The following BIRC6 variants were observed in gnomAD, a reference collection of about 807,000 sequenced individuals.
BIRC6 encodes dual E2 ubiquitin-conjugating enzyme/E3 ubiquitin-protein ligase BIRC6.
Under a neutral mutation model 503.3 loss-of-function variants are expected in BIRC6, and 98 were observed. The observed-to-expected ratio is 0.19, with a 90% CI of 0.17 to 0.23. The LOEUF is 0.23. Ranked by LOEUF, BIRC6 falls within the 10% of genes least tolerant of loss-of-function variation. BIRC6 has a pLI of 1.00. For synonymous variants in BIRC6, 2,240 were observed against 2,078.7 expected (o/e 1.08, Z -2.11); for missense variants, 5,360 against 5,806.0 (o/e 0.92, Z 2.50).
intron 10 of BIRC6, among the ~76,000 whole-genome samples, chr2:32,426,424 A>T (rs914006056): frequency 2.6e-5 from 4 of 152,116 alleles, no homozygotes; most frequent in African/African-American, 9.7e-5. Context: ...CCAACATGGC[A>T]AAACCCTGTC....
chr2:32,542,763 A>C (rs1351804355), intron 61 of BIRC6, among the ~76,000 whole-genome samples: 1 of 152,176 alleles, frequency 6.6e-6, no homozygotes, highest in East Asian at 1.9e-4. Context: ...ACACTGCCAT[A>C]CTTCTGCTGT....
intron 1 of BIRC6, among the ~76,000 whole-genome samples, chr2:32,363,591 A>G (rs1213640544): frequency 6.6e-6 from 1 of 152,058 alleles, no homozygotes; most frequent in African/African-American, 2.4e-5. Context: ...AGTACATTTT[A>G]TACCGTTTGT....
intron 49 of BIRC6, 80 bp from the exon 50 acceptor site, chr2:32,504,925 A>G: frequency 4.0e-6 from 5 of 1,250,552 alleles, no homozygotes; most frequent in Non-Finnish European, 5.6e-6. Flanking sequence ...TTTCTAGTTT[A>G]ATTGTATTTG....
intron 22 of BIRC6, among the ~76,000 whole-genome samples, chr2:32,451,154 G>C (rs1468434101): frequency 2.0e-5 from 3 of 152,192 alleles, no homozygotes; most frequent in African/African-American, 4.8e-5. Flanking sequence ...CATTGAGTAT[G>C]ATCTTTCAGT....
chr2:32,391,761 T>C (rs1484980056), intron 4 of BIRC6, among the ~76,000 whole-genome samples: 1 of 152,222 alleles, frequency 6.6e-6, no homozygotes, highest in African/African-American at 2.4e-5. Context: ...GTTTGACTCT[T>C]AGTGAGCTGA....
At chr2:32,378,703 C>G (rs969990095) in intron 2 of BIRC6, among the ~76,000 whole-genome samples, 1 of 152,078 alleles carries the variant, frequency 6.6e-6, no homozygotes, top group Non-Finnish European at 1.5e-5. Context: ...TTGATCCGCC[C>G]GCCTCAGCCT....
chr2:32,455,011 C>T (rs1294292789), intron 23 of BIRC6, among the ~76,000 whole-genome samples: 1 of 152,040 alleles, frequency 6.6e-6, no homozygotes, highest in East Asian at 1.9e-4. Flanking sequence ...TAGAAACATG[C>T]CATGACAAAA....
intron 57 of BIRC6, among the ~76,000 whole-genome samples, chr2:32,520,740 C>G (rs1425137984): frequency 2.0e-5 from 3 of 152,104 alleles, no homozygotes; most frequent in Non-Finnish European, 4.4e-5. Context: ...TCACTTGAAC[C>G]CTAGAGGTGG....
chr2:32,427,982 CATTT>C (rs2043713073), intron 10 of BIRC6, among the ~76,000 whole-genome samples: 1 of 152,118 alleles, frequency 6.6e-6, no homozygotes, highest in Non-Finnish European at 1.5e-5. Context: ...TGATTTCTGT[CATTT>C]ATTCTGCCTA....
chr2:32,453,977 T>C, intron 23 of BIRC6, 35 bp downstream of exon 23: 1 of 1,517,278 alleles, frequency 6.6e-7, no homozygotes, highest in Non-Finnish European at 9.0e-7. Flanking sequence ...TTTTATTATA[T>C]ACTTTATGCA....
At chr2:32,517,329 G>A (rs1188416148) in intron 55 of BIRC6, among the ~76,000 whole-genome samples, 1 of 152,128 alleles carries the variant, frequency 6.6e-6, no homozygotes, top group African/African-American at 2.4e-5. Flanking sequence ...GCGACAGAGC[G>A]AGACCCTGTC....
At chr2:32,573,796 T>C (rs1178551529) in intron 65 of BIRC6, among the ~76,000 whole-genome samples, 2 of 152,236 alleles carry the variant, frequency 1.3e-5, no homozygotes, top group Non-Finnish European at 2.9e-5. Context: ...CTGGATAAAT[T>C]GCAATTCTGT....
chr2:32,516,939 T>G lies in BIRC6; in HGVS notation c.11349+1169T>G, dbSNP rs2055115859. On this transcript the variant is annotated intron_variant, in intron 55 of 73. Transcript: ENST00000421745. ...AGACACTAGTAAATAACTTTTCTCC[T>G]TGTTATTTAATAGTGCTCATTCAAG... is the stretch of plus-strand genomic sequence containing the variant. Among the ~76,000 whole-genome samples, 7 of 152,304 alleles carry G rather than the reference T, an allele frequency of 4.6e-5. No homozygotes were observed. The South Asian group carries it at 1.4e-3, about 32-fold the overall frequency.
In BIRC6 at chr2:32,494,232, C is replaced by CT. The variant is rs201204825; in HGVS notation, c.8468+579dup. Among the ~76,000 whole-genome samples, 1,437 of 143,978 alleles carry CT rather than the reference C, an allele frequency of 1.0e-2. 14 individuals are homozygous for CT. The highest frequency in any genetic ancestry group is 0.024 in the African/African-American group (958 of 39,508). The allele number at this position is 143,978 out of a possible 152,430, so 94.5% of individuals were successfully genotyped here. On this transcript the variant is annotated intron_variant, in intron 45 of 73. Coordinates refer to ENST00000421745, the MANE Select transcript of BIRC6 (RefSeq NM_016252.4). ...ATCCAACATTACTTTCTGATGAAAA[C>CT]TTTTTTTTTTTTTTGACACAGAGTC...
intron 65 of BIRC6, 22 bp from the exon 66 acceptor site, chr2:32,575,134 C>G (rs2060178640): frequency 6.2e-7 from 1 of 1,611,040 alleles, no homozygotes; most frequent in African/African-American, 1.3e-5. Context: ...TCATTTTGTG[C>G]TTTTTCTTCT....
At chr2:32,399,306 G>T (rs979712442) in intron 6 of BIRC6, among the ~76,000 whole-genome samples, 1 of 152,158 alleles carries the variant, frequency 6.6e-6, no homozygotes, top group Admixed American at 6.5e-5. Context: ...GGCTGGTCTG[G>T]AACTCCTGAC....
Position 32,467,977 on chromosome 2 carries a change from C to A in BIRC6, c.5646C>A (p.Thr1882=), listed in dbSNP as rs1479723409. ...KIPLGFYYGH[T]YILPWESELK... is the part of the protein sequence containing the mutation. ...CATTAGGATTTTACTATGGTCATAC[C>A]TACATCTTGCCTTGGGAAAGTGAAC... The change falls in exon 28 of 74, where the codon ACC becomes ACA. Residue 1882 remains threonine, a synonymous_variant. Transcript: ENST00000421745. 6.2e-7 allele frequency: 1 copy of A among 1,613,568 alleles called. No homozygotes were observed. Among genetic ancestry groups the A allele is most frequent in the African/African-American group, 1.3e-5 (1 of 74,866 alleles).
intron 45 of BIRC6, among the ~76,000 whole-genome samples, chr2:32,498,287 A>T (rs2052730108): frequency 6.6e-6 from 1 of 151,908 alleles, no homozygotes; most frequent in African/African-American, 2.4e-5. Context: ...GTAGTCTCGA[A>T]CTCCTGAGCT....
Position 32,369,944 on chromosome 2 carries a change from AAATATATATATATATATATATATAT to A in BIRC6, c.326-7642_326-7618del, listed in dbSNP as rs1470723807. ...TGTCTCTTAAAAAAAAAAAAAAAAA[AAATATATATATATATATATATATAT>A]ATATATATATATATATGTATGTATG... is the stretch of plus-strand genomic sequence containing the variant. On this transcript the variant is annotated intron_variant, in intron 1 of 73. Transcript: ENST00000421745. 2.3e-4 allele frequency among the ~76,000 whole-genome samples: 6 copies of A among 25,758 alleles called. No individual in the cohort carries two copies. In the East Asian group the frequency reaches 4.8e-3, roughly 21 times the overall value. 16.9% of individuals were successfully genotyped at this position (25,758 alleles called of 152,430 possible).
Sources: gnomAD v4.1 joint callset for allele counts (sites outside exome capture counted in the v4.1 genomes callset) on GRCh38, gnomAD v4.1.1 for gene constraint, MANE v1.5 for transcripts, NCBI Gene and HGNC (gene_info 2026-07-23, HGNC 2026-07-21) for gene names.